Variants in MX1 observed in about 807,000 individuals in gnomAD.
The protein encoded by MX1 is MX dynamin like GTPase 1, also known as interferon-induced GTP-binding protein Mx1.
Under a neutral mutation model 66.4 loss-of-function variants are expected in MX1, and 66 were observed. The ratio of observed to expected loss-of-function variants is 0.99; its 90% confidence interval spans 0.82 to 1.22. MX1 has a LOEUF of 1.22. Ranked by LOEUF, MX1 falls within the 50% of genes most tolerant of loss-of-function variation. The probability of loss-of-function intolerance (pLI) is 0.00; values close to 1 mark genes in which losing one functional copy is unlikely to be tolerated. For missense variants in MX1, 787 were observed against 834.3 expected, an observed-to-expected ratio of 0.94 and a Z score of 0.70; for synonymous variants, 311 against 318.1, an observed-to-expected ratio of 0.98 and a Z score of 0.24.
At position 41,458,929 on chromosome 21, in the gene MX1, G is replaced by A. The variant is rs2091023488; in HGVS notation, c.*171G>A. Reference sequence around the variant, plus strand: ...AGCTGTGAGAGCAGTTTGGTTTCTAGCATGAAGACAGAGCCCCACCCTCAG... The same window carrying A: ...AGCTGTGAGAGCAGTTTGGTTTCTAACATGAAGACAGAGCCCCACCCTCAG... On this transcript the variant is annotated 3_prime_UTR_variant, in exon 17 of 17. Transcript: ENST00000398598. The A allele has an allele frequency of 2.4e-6, 3 of 1,238,876 alleles. No individual in the cohort carries two copies. In the South Asian group the frequency reaches 4.8e-5, roughly 20 times the overall value. 76.7% of individuals were successfully genotyped at this position (1,238,876 alleles called of 1,614,324 possible).
chr21:41,443,669 A>C, intron 10 of MX1, 119 bp from the exon 11 acceptor site: 4 of 846,618 alleles, frequency 4.7e-6, no homozygotes, highest in Non-Finnish European at 8.1e-6. Context: ...ACCAACTGCA[A>C]GACATTCCAT....
intron 3 of MX1, chr21:41,429,399 A>C (rs1227682583): frequency 6.6e-6 from 1 of 152,216 alleles, no homozygotes; most frequent in Non-Finnish European, 1.5e-5. Context: ...GATTGAGTGG[A>C]ACCTGTGGTC....
chr21:41,435,960 G>A lies in MX1; in HGVS notation c.229G>A (p.Gly77Arg), dbSNP rs762946488. The change falls in exon 6 of 17, where the codon GGG becomes AGG. Residue 77 changes from glycine to arginine, a missense_variant. By Grantham distance (125) the Gly-to-Arg change is moderately radical. Transcript: ENST00000398598. ...DLALPAIAVI[G>R]DQSSGKSSVL... ...GGCCCTGCCAGCCATCGCCGTCATC[G>A]GGGACCAGAGCTCGGGCAAGAGCTC... is the stretch of plus-strand genomic sequence containing the variant. The A allele has an allele frequency of 1.4e-5, 23 of 1,614,218 alleles. No homozygotes were observed. Among genetic ancestry groups the A allele is most frequent in the Admixed American group, 1.2e-4 (7 of 60,032 alleles).
intron 7 of MX1, among the ~76,000 whole-genome samples, chr21:41,438,634 T>C (rs2090426639): frequency 6.6e-6 from 1 of 152,250 alleles, no homozygotes; most frequent in Non-Finnish European, 1.5e-5. Context: ...AAGCCCAATT[T>C]CAAGGGACCG....
chr21:41,436,468 A>G (rs1476693044), intron 6 of MX1, among the ~76,000 whole-genome samples: 1 of 152,248 alleles, frequency 6.6e-6, no homozygotes, highest in African/African-American at 2.4e-5. Context: ...CTACAGTTTG[A>G]GGAGAATCTG....
At chr21:41,424,655 G>A (rs1030175798), upstream of MX1, among the ~76,000 whole-genome samples, 1 of 152,186 alleles carries the variant, frequency 6.6e-6, no homozygotes, top group African/African-American at 2.4e-5. Context: ...CCAGTTAGCC[G>A]AGAATGGGAG....
intron 12 of MX1, 78 bp from the exon 13 acceptor site, chr21:41,445,922 A>T: frequency 6.4e-7 from 1 of 1,564,626 alleles, no homozygotes; most frequent in Non-Finnish European, 8.7e-7. Context: ...CACCCTCCAC[A>T]TAGGCACGGC....
rs768072252 is a variant in MX1, at chr21:41,437,197, C to G, written c.436+45C>G. The G allele has an allele frequency of 6.8e-6, 11 of 1,609,276 alleles. No homozygotes were observed. The South Asian group carries it at 1.1e-4, about 16-fold the overall frequency. On this transcript the variant is annotated intron_variant, in intron 7 of 16. Transcript: ENST00000398598. ...ATGCCTGGTCAAGCCTTCTGACATG[C>G]ATGGGGTCTGTTTGTAACTGTTCAT...
intron 13 of MX1, among the ~76,000 whole-genome samples, 182 bp from the exon 14 acceptor site, chr21:41,448,955 T>C (rs2090748146): frequency 1.4e-5 from 1 of 72,732 alleles, no homozygotes; most frequent in Non-Finnish European, 2.6e-5. Flanking sequence ...TGTGTGTGTG[T>C]GTGTGTGTGT....
chr21:41,451,192 T>A lies in MX1; in HGVS notation c.1458T>A (p.Asp486Glu), dbSNP rs751971647. 18 of 1,612,766 alleles carry A rather than the reference T, an allele frequency of 1.1e-5. No homozygotes were observed. The highest frequency in any genetic ancestry group is 1.4e-5 in the Non-Finnish European group (17 of 1,179,212). The change falls in exon 15 of 17, where the codon GAT becomes GAA. Residue 486 changes from aspartate to glutamate, a missense_variant. Coordinates refer to ENST00000398598, the MANE Select transcript of MX1 (RefSeq NM_002462.5). Reference sequence around the variant, plus strand: ...ATATGGTCCGGCTTGCTTTCACAGATGTTTCGATAAAAAATTTTGAAGAGT... The same window carrying A: ...ATATGGTCCGGCTTGCTTTCACAGAAGTTTCGATAAAAAATTTTGAAGAGT... Reference protein sequence around the residue: ...VTDMVRLAFTDVSIKNFEEFF... With the variant: ...VTDMVRLAFTEVSIKNFEEFF...
At position 41,442,024 on chromosome 21, in the gene MX1, T is replaced by TGTGTGC. The variant is rs764550165; in HGVS notation, c.929+111_929+112insTGTGCG. On this transcript the variant is annotated intron_variant, in intron 10 of 16. Coordinates refer to ENST00000398598, the MANE Select transcript of MX1 (RefSeq NM_002462.5). Reference sequence around the variant, plus strand: ...TGTGTGGAGTGTGTGTGTGTGTGTGTGCGTGTGTGTGTGTGCGCGTGTGTG... The same window carrying TGTGTGC: ...TGTGTGGAGTGTGTGTGTGTGTGTGTGTGTGCGCGTGTGTGTGTGTGCGCGTGTGTG... The TGTGTGC allele has an allele frequency of 1.2e-3, 1,201 of 987,640 alleles. 5 individuals are homozygous for TGTGTGC. The highest frequency in any genetic ancestry group is 6.9e-3 in the African/African-American group (433 of 62,516). The allele number at this position is 987,640 out of a possible 1,614,324, so 61.2% of individuals were successfully genotyped here.
chr21:41,443,914 G>A (rs139858778), intron 11 of MX1, 48 bp downstream of exon 11: 54 of 1,550,310 alleles, frequency 3.5e-5, no homozygotes, highest in East Asian at 1.6e-4. Context: ...TACTACGACC[G>A]CAGAGCTGAA....
At chr21:41,440,806 G>A in intron 8 of MX1, 81 bp from the exon 9 acceptor site, 1 of 1,552,968 alleles carries the variant, frequency 6.4e-7, no homozygotes, top group African/African-American at 1.4e-5. Flanking sequence ...AGGGCCTAAA[G>A]CAAGTGCAAG....
intron 11 of MX1, 43 bp downstream of exon 11, chr21:41,443,909 C>G: frequency 6.4e-7 from 1 of 1,568,822 alleles, no homozygotes; most frequent in Non-Finnish European, 8.8e-7. Context: ...AAGAATACTA[C>G]GACCGCAGAG....
intron 7 of MX1, among the ~76,000 whole-genome samples, chr21:41,439,251 A>G (rs1047768714): frequency 1.3e-5 from 2 of 152,184 alleles, no homozygotes; most frequent in Non-Finnish European, 1.5e-5. Context: ...ATGGGATGTT[A>G]ACAGCCAGTG....
At chr21:41,435,222 C>T (rs1174255152) in intron 5 of MX1, among the ~76,000 whole-genome samples, 2 of 152,168 alleles carry the variant, frequency 1.3e-5, no homozygotes, top group Non-Finnish European at 2.9e-5. Context: ...AGCAATTTGA[C>T]CCTCTTATGG....
At chr21:41,457,218 G>C (rs2090980894) in intron 16 of MX1, among the ~76,000 whole-genome samples, 1 of 152,172 alleles carries the variant, frequency 6.6e-6, no homozygotes, top group South Asian at 2.1e-4. Flanking sequence ...GAGCTTCTTG[G>C]TGAGATAGTA....
intron 15 of MX1, among the ~76,000 whole-genome samples, chr21:41,451,834 C>CA (rs559021046): frequency 0.12 from 5,909 of 51,238 alleles, 483 homozygotes; most frequent in African/African-American, 0.31. Context: ...GACCCCGTCT[C>CA]AAAAAAAAAA....
chr21:41,443,278 A>G (rs960193048), intron 10 of MX1, among the ~76,000 whole-genome samples: 1 of 152,222 alleles, frequency 6.6e-6, no homozygotes, highest in Non-Finnish European at 1.5e-5. Flanking sequence ...ACAAATTTGG[A>G]TCGAGTGAGA....
Sources: gnomAD v4.1 joint callset for allele counts (sites outside exome capture counted in the v4.1 genomes callset) on GRCh38, gnomAD v4.1.1 for gene constraint, MANE v1.5 for transcripts, NCBI Gene and HGNC (gene_info 2026-07-23, HGNC 2026-07-21) for gene names.